The following DHRS12 variants were observed in gnomAD, a reference collection of about 807,000 sequenced individuals.
DHRS12 encodes dehydrogenase/reductase 12.
In DHRS12, 29 loss-of-function variants were observed where a neutral mutation model predicts 32.1. That is an observed-to-expected ratio of 0.90 (90% CI 0.67 to 1.23). DHRS12 has a LOEUF of 1.23. Among genes scored for constraint, DHRS12 ranks in the 50% most tolerant of loss-of-function variants. The probability of loss-of-function intolerance (pLI) is 0.00; values close to 1 mark genes in which losing one functional copy is unlikely to be tolerated. For missense variants in DHRS12, 330 were observed against 337.2 expected (o/e 0.98, Z 0.17); for synonymous variants, 150 against 135.9 (o/e 1.10, Z -0.72).
intron 1 of DHRS12, among the ~76,000 whole-genome samples, chr13:51,800,481 A>T (rs1955701331): frequency 6.6e-6 from 1 of 152,230 alleles, no homozygotes; most frequent in South Asian, 2.1e-4. Flanking sequence ...GGAGGCCCAG[A>T]GGGCAGACTC....
intron 4 of DHRS12, among the ~76,000 whole-genome samples, chr13:51,784,148 A>T (rs1031877032): frequency 2.0e-5 from 3 of 152,214 alleles, no homozygotes; most frequent in African/African-American, 4.8e-5. Flanking sequence ...TGCTCAGTGC[A>T]GCCAGTGTGA....
chr13:51,759,671 T>C, the DHRS12 span: 1 of 1,505,060 alleles, frequency 6.6e-7, no homozygotes, highest in Non-Finnish European at 9.2e-7. Context: ...CCTTGAAGAA[T>C]TCAGTTCTAA....
the DHRS12 span, among the ~76,000 whole-genome samples, chr13:51,758,578 C>T: frequency 6.7e-6 from 1 of 149,534 alleles, no homozygotes; most frequent in Non-Finnish European, 1.5e-5. Context: ...AAAAAGTTAC[C>T]ATTGAAGGTG....
At chr13:51,769,100 C>G in intron 8 of DHRS12, 56 bp downstream of exon 8, 1 of 1,547,166 alleles carries the variant, frequency 6.5e-7, no homozygotes. Flanking sequence ...CCTCGAAGGC[C>G]CAGCTGCTGC....
intron 2 of DHRS12, chr13:51,798,030 G>A: frequency 5.0e-6 from 5 of 994,342 alleles, no homozygotes; most frequent in Non-Finnish European, 7.4e-6. Context: ...GCCTAGATGG[G>A]TGGTTCCCAG....
At chr13:51,756,939 G>A in the DHRS12 span, among the ~76,000 whole-genome samples, 1 of 152,328 alleles carries the variant, frequency 6.6e-6, no homozygotes, top group East Asian at 1.9e-4. Flanking sequence ...TGTCAGACCT[G>A]CCCAGTAACC....
intron 4 of DHRS12, among the ~76,000 whole-genome samples, chr13:51,779,724 T>G (rs1183583701): frequency 6.6e-6 from 1 of 152,226 alleles, no homozygotes; most frequent in African/African-American, 2.4e-5. Flanking sequence ...GCCATTGAGT[T>G]CTGTGAGGGC....
chr13:51,789,322 GA>G, intron 4 of DHRS12, among the ~76,000 whole-genome samples: 1 of 152,204 alleles, frequency 6.6e-6, no homozygotes, highest in Non-Finnish European at 1.5e-5. Context: ...CTTGGATTGA[GA>G]AGGAGAAACT....
chr13:51,785,229 A>G (rs1954900913), intron 4 of DHRS12, among the ~76,000 whole-genome samples: 1 of 152,192 alleles, frequency 6.6e-6, no homozygotes, highest in South Asian at 2.1e-4. Context: ...CTCTGTCTCA[A>G]AAAAAACCAG....
At chr13:51,765,019 A>T (rs1420174078), downstream of DHRS12, 1 of 152,232 alleles carries the variant, frequency 6.6e-6, no homozygotes, top group Non-Finnish European at 1.5e-5. Flanking sequence ...TGCAAGTCAC[A>T]GATGATTCCA....
intron 6 of DHRS12, 37 bp from the exon 7 acceptor site, chr13:51,771,948 G>A (rs1306996623): frequency 9.3e-6 from 15 of 1,606,404 alleles, no homozygotes; most frequent in Non-Finnish European, 1.3e-5. Flanking sequence ...ACAGGAGAGA[G>A]GAGGCGCCAT....
intron 2 of DHRS12, among the ~76,000 whole-genome samples, chr13:51,795,362 G>A (rs1489313008): frequency 6.6e-6 from 1 of 152,214 alleles, no homozygotes; most frequent in Non-Finnish European, 1.5e-5. Flanking sequence ...AGCAGAGAAT[G>A]TAAGGTTGGG....
intron 1 of DHRS12, among the ~76,000 whole-genome samples, chr13:51,802,753 A>G (rs776647400): frequency 6.6e-6 from 1 of 152,186 alleles, no homozygotes; most frequent in Admixed American, 6.5e-5. Flanking sequence ...TCTCCTATTC[A>G]CTAAATCCAC....
chr13:51,771,696 T>G, intron 7 of DHRS12, 125 bp downstream of exon 7: 2 of 1,363,540 alleles, frequency 1.5e-6, no homozygotes, highest in Non-Finnish European at 2.0e-6. Flanking sequence ...TAAATGGAAA[T>G]GAAGCTACTC....
intron 1 of DHRS12, among the ~76,000 whole-genome samples, chr13:51,802,695 C>CT (rs548251051): frequency 3.3e-4 from 50 of 152,300 alleles, no homozygotes; most frequent in African/African-American, 1.2e-3. Flanking sequence ...GTTGTAAACT[C>CT]TAACTCCGCG....
In DHRS12 at chr13:51,773,974, C is replaced by A. The variant is rs375001505; in HGVS notation, c.424G>T (p.Glu142Ter). ...ATAGTTCCATCAAATGGTGTTCTTTCGGACTGGAGATCATTGGTGTTCAGT... is the reference window on the plus strand; with the variant it reads ...ATAGTTCCATCAAATGGTGTTCTTTAGGACTGGAGATCATTGGTGTTCAGT... ...QKLNTNDLQS[E>*]RTPFDGTMVY... Residue 142 changes from glutamate to a stop codon, truncating the protein, a stop_gained, in exon 6 of 9, where the codon GAA becomes TAA. Transcript: ENST00000444610. LOFTEE classifies it high-confidence loss of function. 50 of 1,613,986 alleles carry A rather than the reference C, an allele frequency of 3.1e-5. No individual in the cohort carries two copies. The African/African-American group carries it at 6.3e-4, about 20-fold the overall frequency.
the DHRS12 span, chr13:51,756,377 T>TC: frequency 6.2e-7 from 1 of 1,614,092 alleles, no homozygotes; most frequent in Non-Finnish European, 8.5e-7. Flanking sequence ...CAAGTGCAGC[T>TC]CCAAGCGCTC....
At chr13:51,766,453 C>G (rs981446216), downstream of DHRS12, 2 of 152,164 alleles carry the variant, frequency 1.3e-5, no homozygotes, top group African/African-American at 4.8e-5. Flanking sequence ...TGAGGAGATT[C>G]TTCAGGGGGT....
rs1478730578 is a variant in DHRS12, at chr13:51,790,090, G to A, written c.222C>T (p.Ile74=). ...TATTGACCATGCAACCTGCATTATTGATCTAAAATTTATAGTTCTCATTTC... is the reference window on the plus strand; with the variant it reads ...TATTGACCATGCAACCTGCATTATTAATCTAAAATTTATAGTTCTCATTTC... ...FKQEHKLHVL[I]NNAGCMVNKR... is the part of the protein sequence containing the mutation. Residue 74 remains isoleucine, a splice_region_variant and synonymous_variant, in exon 4 of 9, where the codon ATC becomes ATT. Transcript: ENST00000444610. 2.5e-6 allele frequency: 4 copies of A among 1,574,572 alleles called. No homozygotes were observed. In the East Asian group the frequency reaches 6.9e-5, roughly 27 times the overall value.
Sources: gnomAD v4.1 joint callset for allele counts (sites outside exome capture counted in the v4.1 genomes callset) on GRCh38, gnomAD v4.1.1 for gene constraint, MANE v1.5 for transcripts, NCBI Gene and HGNC (gene_info 2026-07-23, HGNC 2026-07-21) for gene names.